The following TMEM255B variants were observed in gnomAD, a reference collection of about 807,000 sequenced individuals.
The protein encoded by TMEM255B is family with sequence similarity 70, member B.
Under a neutral mutation model 34.5 loss-of-function variants are expected in TMEM255B, and 35 were observed. The observed-to-expected ratio is 1.01, with a 90% confidence interval of 0.77 to 1.34. The LOEUF (loss-of-function observed/expected upper bound fraction) is 1.34. Among genes scored for constraint, TMEM255B ranks in the 40% most tolerant of loss-of-function variants. The pLI, the probability that TMEM255B is intolerant of heterozygous loss-of-function variation, is 0.00. For synonymous variants in TMEM255B, 206 were observed against 201.2 expected, an observed-to-expected ratio of 1.02 and a Z score of -0.20; for missense variants, 432 against 433.2, an observed-to-expected ratio of 1.00 and a Z score of 0.02.
intron 3 of TMEM255B, among the ~76,000 whole-genome samples, chr13:113,785,880 G>A (rs775902151): frequency 2.6e-5 from 4 of 152,184 alleles, no homozygotes; most frequent in East Asian, 3.9e-4. Context: ...GGACACTCCC[G>A]GAGCCAGATG....
At chr13:113,804,794 G>C in intron 7 of TMEM255B, 91 bp from the exon 8 acceptor site, 2 of 1,203,594 alleles carry the variant, frequency 1.7e-6, no homozygotes, top group Non-Finnish European at 2.3e-6. Flanking sequence ...GAGAGTCGGG[G>C]GTCGAGGGTG....
chr13:113,772,218 A>C (rs2050490142), intron 3 of TMEM255B, among the ~76,000 whole-genome samples: 1 of 152,188 alleles, frequency 6.6e-6, no homozygotes, highest in Admixed American at 6.5e-5. Flanking sequence ...CATCAGAGTC[A>C]TTTATGTATT....
chr13:113,811,233 A>T (rs112853157), intron 8 of TMEM255B, among the ~76,000 whole-genome samples: 768 of 23,170 alleles, frequency 0.033, 17 homozygotes, highest in Admixed American at 0.077. Flanking sequence ...CCGGTGAGAG[A>T]GGTCCTGGGT....
chr13:113,810,247 T>C (rs1446945672), intron 8 of TMEM255B, among the ~76,000 whole-genome samples: 1 of 152,172 alleles, frequency 6.6e-6, no homozygotes, highest in African/African-American at 2.4e-5. Context: ...ATCTGGTAGC[T>C]TGGAGTTTGA....
chr13:113,811,987 C>A lies in TMEM255B; in HGVS notation c.*84C>A. 6.9e-7 allele frequency: 1 copy of A among 1,458,888 alleles called. No homozygotes were observed. Among genetic ancestry groups the A allele is most frequent in the Non-Finnish European group, 9.2e-7 (1 of 1,081,896 alleles). 90.4% of individuals were successfully genotyped at this position (1,458,888 alleles called of 1,614,324 possible). ...CTAGAAATCCCGCTTCTGTGGCCAA[C>A]CTCCTAGAGAACCCGGGAGAATGTT... On this transcript the variant is annotated 3_prime_UTR_variant, in exon 9 of 9. Coordinates refer to ENST00000375353, the MANE Select transcript of TMEM255B (RefSeq NM_182614.4).
chr13:113,790,315 C>T (rs372440705), intron 3 of TMEM255B, among the ~76,000 whole-genome samples: 6 of 115,858 alleles, frequency 5.2e-5, no homozygotes, highest in South Asian at 3.7e-4. Context: ...GACACATGGA[C>T]ATCCTAGCTG....
chr13:113,808,046 G>T (rs1000179688), intron 8 of TMEM255B, among the ~76,000 whole-genome samples: 1 of 152,200 alleles, frequency 6.6e-6, no homozygotes, highest in African/African-American at 2.4e-5. Context: ...ATATACGCAC[G>T]CTGATAATTG....
chr13:113,796,863 T>A (rs546313668), intron 4 of TMEM255B, among the ~76,000 whole-genome samples: 1 of 152,338 alleles, frequency 6.6e-6, no homozygotes, highest in East Asian at 1.9e-4. Context: ...CCCAACGGTT[T>A]CATTATATGA....
chr13:113,806,679 A>C lies in TMEM255B; in HGVS notation c.813+1651A>C, dbSNP rs1052354965. Among the ~76,000 whole-genome samples, 3 of 151,868 alleles carry C rather than the reference A, an allele frequency of 2.0e-5. No homozygotes were observed. Among genetic ancestry groups the C allele is most frequent in the African/African-American group, 2.4e-5 (1 of 41,346 alleles). On this transcript the variant is annotated intron_variant, in intron 8 of 8. Transcript: ENST00000375353. This position sits in a 1 kb window ranked among gnomAD's most constrained non-coding sequence, Gnocchi z 4.2. ...GCCACAGGCAGCTTCATCCTTCCCC[A>C]AGCCTCCTGCCCCTGCCCCAGGGAC...
chr13:113,785,522 T>C (rs1040369406), intron 3 of TMEM255B, among the ~76,000 whole-genome samples: 6 of 152,370 alleles, frequency 3.9e-5, no homozygotes, highest in African/African-American at 1.4e-4. Context: ...AGAGAGGTCT[T>C]AGACCACTGA....
rs1363429388 is a variant in TMEM255B, at chr13:113,814,830, G to A, written c.*2927G>A. On this transcript the variant is annotated 3_prime_UTR_variant, in exon 9 of 9. Transcript: ENST00000375353. ...AGGTCAGTGAGACCCTGGAGGCCGC[G>A]GGAGATGGGGTGGAGGGGATGGTGG... 1.3e-5 allele frequency: 2 copies of A among 151,480 alleles called. No individual in the cohort carries two copies. The highest frequency in any genetic ancestry group is 2.1e-4 in the South Asian group (1 of 4,760). 9.4% of individuals were successfully genotyped at this position (151,480 alleles called of 1,614,324 possible).
At chr13:113,776,133 T>C (rs1309829370) in intron 3 of TMEM255B, among the ~76,000 whole-genome samples, 1 of 151,868 alleles carries the variant, frequency 6.6e-6, no homozygotes, top group East Asian at 1.9e-4. Context: ...CCCTGTCCCG[T>C]CCCCCACTCT....
rs949155278 is a variant in TMEM255B, at chr13:113,813,713, G to A, written c.*1810G>A. The A allele has an allele frequency of 8.5e-5, 13 of 152,178 alleles. No homozygotes were observed. The highest frequency in any genetic ancestry group is 2.7e-4 in the African/African-American group (11 of 41,446). 9.4% of individuals were successfully genotyped at this position (152,178 alleles called of 1,614,324 possible). Reference sequence around the variant, plus strand: ...GCTGGCTGGGCCCAGGGGCCCTAACGGGCCTCTGAAAGGCCTGCAGCCAGC... The same window carrying A: ...GCTGGCTGGGCCCAGGGGCCCTAACAGGCCTCTGAAAGGCCTGCAGCCAGC... On this transcript the variant is annotated 3_prime_UTR_variant, in exon 9 of 9. Transcript: ENST00000375353.
In TMEM255B at chr13:113,798,936, C is replaced by G. The variant is rs1034801567; in HGVS notation, c.343-403C>G. Among the ~76,000 whole-genome samples the G allele has an allele frequency of 9.2e-5, 14 of 152,158 alleles. No individual in the cohort carries two copies. The East Asian group carries it at 2.7e-3, about 29-fold the overall frequency. On this transcript the variant is annotated intron_variant, in intron 4 of 8. Transcript: ENST00000375353. Reference sequence around the variant, plus strand: ...TGGTTGGAGGGATGAGTTTATTGGTCTGAAATCCTTCTTGCTACCTTCCTA... The same window carrying G: ...TGGTTGGAGGGATGAGTTTATTGGTGTGAAATCCTTCTTGCTACCTTCCTA...
chr13:113,794,562 G>A (rs1457953371), intron 3 of TMEM255B, among the ~76,000 whole-genome samples: 2 of 152,012 alleles, frequency 1.3e-5, no homozygotes, highest in Non-Finnish European at 2.9e-5. Context: ...CCCGCCCTCT[G>A]GTCAGGGGTC....
chr13:113,816,356 C>T lies in TMEM255B; in HGVS notation c.*4453C>T. ...AGAGGAGTGTCCGGGAGCCAGATGG[C>T]AGTGATGGGTGGACGGCCCCGTGGA... is the stretch of plus-strand genomic sequence containing the variant. On this transcript the variant is annotated 3_prime_UTR_variant, in exon 9 of 9. Coordinates refer to ENST00000375353, the MANE Select transcript of TMEM255B (RefSeq NM_182614.4). 1 of 160,294 alleles carries T rather than the reference C, an allele frequency of 6.2e-6. No homozygotes were observed. 9.9% of individuals were successfully genotyped at this position (160,294 alleles called of 1,614,324 possible).
Position 113,800,848 on chromosome 13 carries a change from G to T in TMEM255B, c.445G>T (p.Gly149Cys). ...CCAGGTCACCTGTCACTCCCTGGAC[G>T]GCAAGTGCCAGCTGAAGGTGAGAAG... ...QTEVTCHSLD[G>C]KCQLKVRSNT... The change falls in exon 6 of 9, where the codon GGC (glycine) becomes TGC (cysteine). Residue 149 changes from glycine to cysteine, a missense_variant. Physicochemically the swap from Gly to Cys is radical, Grantham distance 159 (BLOSUM62 -3). Coordinates refer to ENST00000375353, the MANE Select transcript of TMEM255B (RefSeq NM_182614.4). The T allele has an allele frequency of 6.2e-7, 1 of 1,609,450 alleles. No individual in the cohort carries two copies. The highest frequency in any genetic ancestry group is 8.5e-7 in the Non-Finnish European group (1 of 1,178,402).
Position 113,812,169 on chromosome 13 carries a change from C to A in TMEM255B, c.*266C>A. On this transcript the variant is annotated 3_prime_UTR_variant, in exon 9 of 9. Transcript: ENST00000375353. ...GAAAGTTCCCACCCGGCCTCCTCCT[C>A]TGAGAGCAATTGTTCTGGTGTTTTC... The A allele has an allele frequency of 1.9e-6, 1 of 519,252 alleles. No homozygotes were observed. Among genetic ancestry groups the A allele is most frequent in the Non-Finnish European group, 3.4e-6 (1 of 297,736 alleles). The allele number at this position is 519,252 out of a possible 1,614,324, so 32.2% of individuals were successfully genotyped here.
At chr13:113,768,270 G>A (rs565351757) in intron 2 of TMEM255B, 26 of 467,534 alleles carry the variant, frequency 5.6e-5, no homozygotes, top group African/African-American at 4.6e-4. Flanking sequence ...TTTTCGGTGG[G>A]TGTTGCTGAA....
Sources: gnomAD v4.1 joint callset for allele counts (sites outside exome capture counted in the v4.1 genomes callset) on GRCh38, gnomAD v4.1.1 for gene constraint, Gnocchi (gnomAD v3.1) non-coding constraint, MANE v1.5 for transcripts, NCBI Gene and HGNC (gene_info 2026-07-23, HGNC 2026-07-21) for gene names.